Variants in FCAR observed in about 807,000 individuals in gnomAD.
FCAR encodes Fc alpha receptor, also known as immunoglobulin alpha Fc receptor.
In FCAR, 21 loss-of-function variants were observed where a neutral mutation model predicts 27.1. That is an observed-to-expected ratio of 0.77 (90% CI 0.55 to 1.11). The LOEUF (loss-of-function observed/expected upper bound fraction) is 1.11. FCAR is among the 50% of genes most tolerant of loss of function. FCAR has a pLI of 0.00. For missense variants in FCAR, 404 were observed against 358.4 expected (o/e 1.13, Z -1.03); for synonymous variants, 134 against 135.8 (o/e 0.99, Z 0.09).
At chr19:54,884,698 G>T (rs2066604066) in intron 2 of FCAR, among the ~76,000 whole-genome samples, 2 of 149,930 alleles carry the variant, frequency 1.3e-5, no homozygotes, top group African/African-American at 2.5e-5. Context: ...GGAAGAAAGG[G>T]GGTTGAAAAA....
chr19:54,890,707 T>C lies in FCAR; in HGVS notation c.*844T>C, dbSNP rs140803809. ...CCTCCCAAAGTGCTGGGATTACAGATGTGAGCCACTGCGCCCAGCCTTCTT... is the reference window on the plus strand; with the variant it reads ...CCTCCCAAAGTGCTGGGATTACAGACGTGAGCCACTGCGCCCAGCCTTCTT... On this transcript the variant is annotated 3_prime_UTR_variant, in exon 5 of 5. Transcript: ENST00000355524. 0.076 allele frequency: 11,585 copies of C among 152,246 alleles called. 576 individuals carry two copies. Among genetic ancestry groups the C allele is most frequent in the African/African-American group, 0.12 (5,177 of 41,536 alleles). 9.4% of individuals were successfully genotyped at this position (152,246 alleles called of 1,614,324 possible). A position where few individuals can be genotyped will look rare whatever the true frequency, so the allele number is the denominator to read the frequency against.
chr19:54,879,774 C>A, intron 2 of FCAR, among the ~76,000 whole-genome samples: 1 of 151,968 alleles, frequency 6.6e-6, no homozygotes. Flanking sequence ...AGCTCCGCCT[C>A]CCGGATTCAC....
rs1339906572 is a variant in FCAR, at chr19:54,891,036, AT to A, written c.*1179del. 6.6e-6 allele frequency: 1 copy of A among 152,144 alleles called. No homozygotes were observed. The highest frequency in any genetic ancestry group is 1.5e-5 in the Non-Finnish European group (1 of 68,032). The allele number at this position is 152,144 out of a possible 1,614,324, so 9.4% of individuals were successfully genotyped here. On this transcript the variant is annotated 3_prime_UTR_variant, in exon 5 of 5. Transcript: ENST00000355524. Reference sequence around the variant, plus strand: ...GGCATGTGTTTCACCTCATTAATTTATTTTTTCACTTAGTTTTGATGATATT... The same window carrying A: ...GGCATGTGTTTCACCTCATTAATTTATTTTTCACTTAGTTTTGATGATATT...
At chr19:54,879,205 T>C (rs769648992) in intron 2 of FCAR, among the ~76,000 whole-genome samples, 2 of 152,172 alleles carry the variant, frequency 1.3e-5, no homozygotes, top group Non-Finnish European at 2.9e-5. Flanking sequence ...CTTGCCACTC[T>C]CTGCATTTTA....
At position 54,883,943 on chromosome 19, in the gene FCAR, T is replaced by C. The variant is rs112330991; in HGVS notation, c.71-1292T>C. Among the ~76,000 whole-genome samples the C allele has an allele frequency of 2.0e-5, 3 of 151,668 alleles. No individual in the cohort carries two copies. In the East Asian group the frequency reaches 5.8e-4, roughly 30 times the overall value. On this transcript the variant is annotated intron_variant, in intron 2 of 4. Coordinates refer to ENST00000355524, the MANE Select transcript of FCAR (RefSeq NM_002000.4). ...CTGCACTCCAGCCTGGGCAACAGAG[T>C]GAGACTTCATCTCAACAAAAAAAGA...
chr19:54,888,651 A>T (rs1015833589), intron 4 of FCAR: 89 of 607,818 alleles, frequency 1.5e-4, no homozygotes, highest in Non-Finnish European at 1.8e-4. Flanking sequence ...AGGTTCAAGC[A>T]ATTCTCCTGC....
intron 2 of FCAR, among the ~76,000 whole-genome samples, chr19:54,880,370 G>A (rs1039490799): frequency 6.6e-5 from 10 of 152,142 alleles, no homozygotes; most frequent in African/African-American, 9.7e-5. Flanking sequence ...ATCGCATTAT[G>A]AAATCTCGTA....
At chr19:54,887,746 G>A (rs892830662) in intron 3 of FCAR, among the ~76,000 whole-genome samples, 6 of 144,830 alleles carry the variant, frequency 4.1e-5, no homozygotes, top group Non-Finnish European at 7.6e-5. Flanking sequence ...GAGAGACCCC[G>A]TCTCTACTAA....
Position 54,890,836 on chromosome 19 carries a change from C to T in FCAR, c.*973C>T, listed in dbSNP as rs150549175. ...TATTTTTTTTTGTTGAAGTGAGGCT[C>T]TCCCTATGTTGCCTAAGCTGGTCTT... On this transcript the variant is annotated 3_prime_UTR_variant, in exon 5 of 5. Transcript: ENST00000355524. The T allele has an allele frequency of 7.2e-5, 11 of 152,176 alleles. No homozygotes were observed. In the East Asian group the frequency reaches 2.1e-3, roughly 29 times the overall value. The allele number at this position is 152,176 out of a possible 1,614,324, so 9.4% of individuals were successfully genotyped here.
rs587667096 is a variant in FCAR, at chr19:54,885,585, T to C, written c.361+60T>C. ...GATTTTTTTCTTATTTTTAATAGAG[T>C]ATTTTTCAAGAAGTTTTAGATTTAC... On this transcript the variant is annotated intron_variant, in intron 3 of 4. Coordinates refer to ENST00000355524, the MANE Select transcript of FCAR (RefSeq NM_002000.4). 1.6e-5 allele frequency: 21 copies of C among 1,309,192 alleles called. No individual in the cohort carries two copies. The African/African-American group carries it at 2.8e-4, about 18-fold the overall frequency. The allele number at this position is 1,309,192 out of a possible 1,614,324, so 81.1% of individuals were successfully genotyped here. A position where few individuals can be genotyped will look rare whatever the true frequency, so the allele number is the denominator to read the frequency against.
At chr19:54,886,688 C>T (rs976348521) in intron 3 of FCAR, among the ~76,000 whole-genome samples, 1 of 152,094 alleles carries the variant, frequency 6.6e-6, no homozygotes, top group Non-Finnish European at 1.5e-5. Flanking sequence ...GCCACCGTGC[C>T]CGGCAGGTGT....
Position 54,889,908 on chromosome 19 carries a change from G to A in FCAR, c.*45G>A, listed in dbSNP as rs768079215. On this transcript the variant is annotated 3_prime_UTR_variant, in exon 5 of 5. Transcript: ENST00000355524. Reference sequence around the variant, plus strand: ...GAGAGGAGCCAGGACTGTGGAGTCCGACAAAGCTACTTGAAGGACACAAGA... The same window carrying A: ...GAGAGGAGCCAGGACTGTGGAGTCCAACAAAGCTACTTGAAGGACACAAGA... The A allele has an allele frequency of 1.0e-4, 144 of 1,373,376 alleles. No homozygotes were observed. The highest frequency in any genetic ancestry group is 6.6e-4 in the Admixed American group (38 of 57,916). 85.1% of individuals were successfully genotyped at this position (1,373,376 alleles called of 1,614,324 possible).
Position 54,889,964 on chromosome 19 carries a change from C to CTTTTT in FCAR, c.*111_*115dup. 1 of 699,894 alleles carries CTTTTT rather than the reference C, an allele frequency of 1.4e-6. No individual in the cohort carries two copies. The highest frequency in any genetic ancestry group is 2.3e-6 in the Non-Finnish European group (1 of 432,524). The allele number at this position is 699,894 out of a possible 1,614,324, so 43.4% of individuals were successfully genotyped here. A position where few individuals can be genotyped will look rare whatever the true frequency, so the allele number is the denominator to read the frequency against. ...AAGCTCACTAAGAAGCTTGAATCTA[C>CTTTTT]TTTTTTTTTTTTTTGAGACAGAGTC... On this transcript the variant is annotated 3_prime_UTR_variant, in exon 5 of 5. Transcript: ENST00000355524.
At chr19:54,884,030 C>T (rs112872013) in intron 2 of FCAR, among the ~76,000 whole-genome samples, 171 of 152,280 alleles carry the variant, frequency 1.1e-3, no homozygotes, top group Non-Finnish European at 1.8e-3. Flanking sequence ...GGGTCTGCAG[C>T]GCTGGAAGAC....
intron 2 of FCAR, among the ~76,000 whole-genome samples, chr19:54,882,003 G>A (rs1328835501): frequency 6.6e-6 from 1 of 152,236 alleles, no homozygotes; most frequent in African/African-American, 2.4e-5. Context: ...CAGAACCCTT[G>A]CCATGGCAGT....
chr19:54,886,861 T>C (rs2066760636), intron 3 of FCAR, among the ~76,000 whole-genome samples: 1 of 152,240 alleles, frequency 6.6e-6, no homozygotes, highest in South Asian at 2.1e-4. Flanking sequence ...TTATGGGTCA[T>C]TGCAGGCAAG....
chr19:54,875,402 C>A (rs77887839), intron 2 of FCAR, 37 bp downstream of exon 2: 1 of 1,576,454 alleles, frequency 6.3e-7, no homozygotes, highest in Admixed American at 1.7e-5. Context: ...CCCCTTTAGA[C>A]CCTCTTGGGA....
intron 3 of FCAR, among the ~76,000 whole-genome samples, chr19:54,886,005 G>A (rs1054732970): frequency 6.6e-6 from 1 of 152,136 alleles, no homozygotes; most frequent in African/African-American, 2.4e-5. Context: ...CCAACACTTT[G>A]GGTGGCTGAG....
chr19:54,881,837 G>C (rs2066433930), intron 2 of FCAR, among the ~76,000 whole-genome samples: 1 of 148,750 alleles, frequency 6.7e-6, no homozygotes, highest in Admixed American at 6.8e-5. Context: ...GCCGAGATCG[G>C]GCCACTGCAC....
Sources: gnomAD v4.1 joint callset for allele counts (sites outside exome capture counted in the v4.1 genomes callset) on GRCh38, gnomAD v4.1.1 for gene constraint, MANE v1.5 for transcripts, NCBI Gene and HGNC (gene_info 2026-07-23, HGNC 2026-07-21) for gene names.